The following FREM1 variants were observed in gnomAD, a reference collection of about 807,000 sequenced individuals.
The protein encoded by FREM1 is FRAS1 related extracellular matrix 1.
In FREM1, 220 loss-of-function variants were observed where a neutral mutation model predicts 210.1. The ratio of observed to expected loss-of-function variants is 1.05; its 90% confidence interval spans 0.94 to 1.17. The LOEUF (loss-of-function observed/expected upper bound fraction) is 1.17. Among genes scored for constraint, FREM1 ranks in the 50% most tolerant of loss-of-function variants. The probability of loss-of-function intolerance (pLI) is 0.00; values close to 1 mark genes in which losing one functional copy is unlikely to be tolerated. For synonymous variants in FREM1, 1,189 were observed against 980.2 expected (o/e 1.21, Z -3.98); for missense variants, 3,454 against 2,675.5 (o/e 1.29, Z -6.42).
chr9:14,775,444 G>T (rs901103881), intron 25 of FREM1, among the ~76,000 whole-genome samples: 3 of 152,066 alleles, frequency 2.0e-5, no homozygotes, highest in African/African-American at 7.2e-5. Flanking sequence ...GATAGCTCAC[G>T]ACTGTAATCC....
At chr9:14,885,170 C>T (rs111855038) in intron 1 of FREM1, among the ~76,000 whole-genome samples, 12 of 151,906 alleles carry the variant, frequency 7.9e-5, no homozygotes, top group African/African-American at 2.2e-4. Context: ...GTGATCCACC[C>T]GCCTCGGCCT....
intron 1 of FREM1, among the ~76,000 whole-genome samples, chr9:14,888,805 A>T (rs1836267534): frequency 6.6e-6 from 1 of 152,212 alleles, no homozygotes; most frequent in South Asian, 2.1e-4. Context: ...CATCGAGGCC[A>T]TATTCTTCAG....
Position 14,863,731 on chromosome 9 carries a change from A to G in FREM1, c.329+78T>C, listed in dbSNP as rs541968734. On this transcript the variant is annotated intron_variant, in intron 3 of 36. Transcript: ENST00000380880. ...CTATTAACTCCCCTCATGACAATAC[A>G]TATCCACAAGAAAAGCCCTCATAAG... 52 of 825,990 alleles carry G rather than the reference A, an allele frequency of 6.3e-5. No homozygotes were observed. In the South Asian group the frequency reaches 7.4e-4, roughly 12 times the overall value. The allele number at this position is 825,990 out of a possible 1,614,324, so 51.2% of individuals were successfully genotyped here.
chr9:14,785,663 T>A (rs1850306592), intron 23 of FREM1, among the ~76,000 whole-genome samples: 1 of 151,820 alleles, frequency 6.6e-6, no homozygotes, highest in South Asian at 2.1e-4. Context: ...GGGGACATTA[T>A]GCTAAGTGAA....
At chr9:14,802,904 T>G (rs1298116265) in intron 19 of FREM1, among the ~76,000 whole-genome samples, 2 of 152,208 alleles carry the variant, frequency 1.3e-5, no homozygotes, top group Admixed American at 1.3e-4. Context: ...GAGATCAGGA[T>G]GTTTTCATGA....
At chr9:14,855,980 C>G (rs943571821) in intron 5 of FREM1, among the ~76,000 whole-genome samples, 7 of 151,518 alleles carry the variant, frequency 4.6e-5, no homozygotes, top group Admixed American at 2.0e-4. Flanking sequence ...GTGTTTAGGT[C>G]TGTATGAACA....
chr9:14,841,784 G>C (rs1440995983), intron 9 of FREM1, among the ~76,000 whole-genome samples, 195 bp from the exon 10 acceptor site: 1 of 152,126 alleles, frequency 6.6e-6, no homozygotes, highest in Non-Finnish European at 1.5e-5. Flanking sequence ...GAAAACTAAA[G>C]TCACTATATC....
intron 9 of FREM1, 41 bp from the exon 10 acceptor site, chr9:14,841,630 T>C (rs1825712455): frequency 6.9e-7 from 1 of 1,456,180 alleles, no homozygotes; most frequent in African/African-American, 1.4e-5. Context: ...TGTACAAGCC[T>C]ATCAAATATC....
chr9:14,865,375 C>G (rs1180066395), intron 2 of FREM1, among the ~76,000 whole-genome samples: 2 of 152,162 alleles, frequency 1.3e-5, no homozygotes, highest in Non-Finnish European at 2.9e-5. Context: ...ATCTAATTGA[C>G]TATATCAAGA....
rs1457494824 is a variant in FREM1 at position 14,775,895 on chromosome 9, C to G, written c.4751G>C (p.Gly1584Ala). The G allele has an allele frequency of 6.2e-7, 1 of 1,613,824 alleles. No homozygotes were observed. Among genetic ancestry groups the G allele is most frequent in the Non-Finnish European group, 8.5e-7 (1 of 1,179,850 alleles). The stretch of plus-strand genomic sequence containing the variant: ...AGTAAAGCAGTCAGTCTGGGAGTCC[C>G]CTCCTGAGTGCCGATAGGCCACATT... ...SKNVAYRHSG[G>A]DSQTDCFTFM... The change falls in exon 25 of 37, where the codon GGG becomes GCG. Residue 1584 changes from glycine to alanine, a missense_variant. Coordinates refer to ENST00000380880, the MANE Select transcript of FREM1 (RefSeq NM_001379081.2).
At chr9:14,759,147 TA>T (rs2132241187) in intron 28 of FREM1, among the ~76,000 whole-genome samples, 1 of 152,262 alleles carries the variant, frequency 6.6e-6, no homozygotes, top group African/African-American at 2.4e-5. Context: ...CCCTATGAAA[TA>T]AAACCTCAAA....
In FREM1 at chr9:14,812,934, A is replaced by T. The variant is rs753526499; in HGVS notation, c.2771T>A (p.Leu924Ter). 6.2e-7 allele frequency: 1 copy of T among 1,613,892 alleles called. No homozygotes were observed. The highest frequency in any genetic ancestry group is 2.2e-5 in the East Asian group (1 of 44,878). The stretch of plus-strand genomic sequence containing the variant: ...GCGAGCAATCACAAACATCAACTTC[A>T]AGTTATCGCTGTCCACATCAGTAGC... Reference protein sequence around the residue: ...IFATDVDSDNLKLMFVIAREP... With the variant: ...IFATDVDSDN The change falls in exon 16 of 37, where the codon TTG becomes TAG. Residue 924 changes from leucine to a stop codon, truncating the protein, a stop_gained. Transcript: ENST00000380880. LOFTEE classifies it high-confidence loss of function.
At chr9:14,883,927 A>C (rs1835283080) in intron 1 of FREM1, among the ~76,000 whole-genome samples, 1 of 152,230 alleles carries the variant, frequency 6.6e-6, no homozygotes. Context: ...GGGAGCTTGT[A>C]AACTGACTTT....
chr9:14,873,510 G>A (rs1424298781), intron 1 of FREM1, among the ~76,000 whole-genome samples: 1 of 152,078 alleles, frequency 6.6e-6, no homozygotes, highest in African/African-American at 2.4e-5. Flanking sequence ...GGGATCGGTG[G>A]TGATATCCAC....
At chr9:14,904,925 T>C (rs112594023) in intron 1 of FREM1, among the ~76,000 whole-genome samples, 12 of 152,136 alleles carry the variant, frequency 7.9e-5, no homozygotes, top group African/African-American at 2.9e-4. Context: ...CCATCTGCCA[T>C]GAATGCCCTT....
At chr9:14,895,414 C>A (rs548035963) in intron 1 of FREM1, among the ~76,000 whole-genome samples, 2 of 152,232 alleles carry the variant, frequency 1.3e-5, no homozygotes, top group South Asian at 4.1e-4. Context: ...AGACTGACTG[C>A]TTATTCCTGT....
chr9:14,779,526 T>G, intron 24 of FREM1: 2 of 983,754 alleles, frequency 2.0e-6, no homozygotes, highest in Non-Finnish European at 2.4e-6. Context: ...CTTTCCTCCC[T>G]GCAGACTGAA....
chr9:14,831,295 G>A (rs1480199716), intron 10 of FREM1, among the ~76,000 whole-genome samples: 1 of 152,200 alleles, frequency 6.6e-6, no homozygotes, highest in Admixed American at 6.5e-5. Context: ...TTCTCTGCAT[G>A]AAATGTGCAA....
At position 14,824,680 on chromosome 9, in the gene FREM1, G is replaced by C; in HGVS notation, c.2078+116C>G. ...AACGCTTAATTGAGTATAATTTCATGCCTGACCAATGGAGCAAGTAAACCA... is the reference window on the plus strand; with the variant it reads ...AACGCTTAATTGAGTATAATTTCATCCCTGACCAATGGAGCAAGTAAACCA... On this transcript the variant is annotated intron_variant, in intron 11 of 36. Coordinates refer to ENST00000380880, the MANE Select transcript of FREM1 (RefSeq NM_001379081.2). 11 of 693,720 alleles carry C rather than the reference G, an allele frequency of 1.6e-5. No individual in the cohort carries two copies. The South Asian group carries it at 2.3e-4, about 14-fold the overall frequency. The allele number at this position is 693,720 out of a possible 1,614,324, so 43.0% of individuals were successfully genotyped here.
Sources: allele counts gnomAD v4.1 joint callset (sites outside exome capture counted in the v4.1 genomes callset), GRCh38; gene constraint gnomAD v4.1.1; transcripts MANE v1.5; gene names NCBI Gene and HGNC (gene_info 2026-07-23, HGNC 2026-07-21).